Variants in INSL6 observed in about 807,000 individuals in gnomAD.
The protein encoded by INSL6 is insulin-like peptide INSL6.
INSL6 carries 16 observed loss-of-function variants against 9.4 expected under a neutral mutation model. That is an observed-to-expected ratio of 1.70 (90% CI 1.15 to 2.59). The LOEUF is 2.59. Ranked by LOEUF, INSL6 falls within the 30% of genes most tolerant of loss-of-function variation. The probability of loss-of-function intolerance (pLI) is 0.00; values close to 1 mark genes in which losing one functional copy is unlikely to be tolerated. For synonymous variants in INSL6, 154 were observed against 96.9 expected (o/e 1.59, Z -3.46); for missense variants, 391 against 257.3 (o/e 1.52, Z -3.56).
chr9:4,993,996 G>A, the INSL6 span, among the ~76,000 whole-genome samples: 2 of 152,140 alleles, frequency 1.3e-5, no homozygotes, highest in African/African-American at 4.8e-5. Flanking sequence ...TCCTGTCTAG[G>A]GTTGGTTCCC....
the INSL6 span, among the ~76,000 whole-genome samples, chr9:4,996,705 C>T: frequency 4.8e-4 from 73 of 151,962 alleles, no homozygotes; most frequent in Non-Finnish European, 8.7e-4. Flanking sequence ...TTCACCCCTA[C>T]CCCTCCCTGC....
chr9:5,174,942 C>CTT (rs113608121), intron 1 of INSL6, among the ~76,000 whole-genome samples: 27 of 142,874 alleles, frequency 1.9e-4, no homozygotes, highest in African/African-American at 6.1e-4. Flanking sequence ...TGGAGTCATT[C>CTT]TTTTTTTTTT....
At chr9:5,177,871 TC>T (rs1411614151) in intron 1 of INSL6, among the ~76,000 whole-genome samples, 2 of 151,960 alleles carry the variant, frequency 1.3e-5, no homozygotes, top group East Asian at 3.9e-4. Flanking sequence ...ACTGCTTCTT[TC>T]TTTTTCTTCT....
At chr9:5,129,256 C>G (rs1824191398) in intron 3 of INSL6, among the ~76,000 whole-genome samples, 1 of 152,004 alleles carries the variant, frequency 6.6e-6, no homozygotes, top group Admixed American at 6.5e-5. Flanking sequence ...GCATGCTCCC[C>G]CTAAATTGAA....
the INSL6 span, chr9:5,022,223 A>T: frequency 6.3e-7 from 1 of 1,590,408 alleles, no homozygotes. Flanking sequence ...GGTAAGTATT[A>T]AAAAACAGCA....
chr9:5,116,425 T>G, the INSL6 span, among the ~76,000 whole-genome samples: 1 of 152,244 alleles, frequency 6.6e-6, no homozygotes, highest in Middle Eastern at 3.2e-3. Flanking sequence ...TGCGTTCATC[T>G]AATTACTTTT....
chr9:5,159,622 T>C (rs1230863254), downstream of INSL6, among the ~76,000 whole-genome samples: 1 of 152,126 alleles, frequency 6.6e-6, no homozygotes, highest in Non-Finnish European at 1.5e-5. Flanking sequence ...TATATACGCA[T>C]TCAACGCTGG....
At chr9:5,126,406 A>G in intron 3 of INSL6, 2 of 1,610,986 alleles carry the variant, frequency 1.2e-6, no homozygotes, top group Middle Eastern at 3.3e-4. Context: ...CTTTTGAAGA[A>G]TAATGGAAGA....
the INSL6 span, chr9:5,111,039 G>A: frequency 1.5e-5 from 14 of 913,268 alleles, no homozygotes; most frequent in African/African-American, 6.6e-5. Context: ...TGGCCGGGGC[G>A]CAATTCAGAG....
the INSL6 span, among the ~76,000 whole-genome samples, chr9:5,042,471 C>G: frequency 6.6e-6 from 1 of 152,128 alleles, no homozygotes; most frequent in Non-Finnish European, 1.5e-5. Flanking sequence ...TGTGTCTAGT[C>G]CTCCCCTCCA....
At chr9:5,026,585 TAAAA>T in the INSL6 span, among the ~76,000 whole-genome samples, 1 of 152,200 alleles carries the variant, frequency 6.6e-6, no homozygotes, top group Admixed American at 6.5e-5. Flanking sequence ...TATATAGGAT[TAAAA>T]AAATTTTACA....
the INSL6 span, among the ~76,000 whole-genome samples, chr9:5,076,380 G>A: frequency 6.6e-6 from 1 of 152,098 alleles, no homozygotes; most frequent in Non-Finnish European, 1.5e-5. Context: ...TTAAGAAACT[G>A]CCACAGCTAC....
At chr9:5,033,855 A>C in the INSL6 span, among the ~76,000 whole-genome samples, 1 of 152,220 alleles carries the variant, frequency 6.6e-6, no homozygotes, top group African/African-American at 2.4e-5. Flanking sequence ...TAACCAGGTA[A>C]CGTCATAAAG....
the INSL6 span, among the ~76,000 whole-genome samples, chr9:5,001,876 T>G: frequency 2.0e-5 from 3 of 152,024 alleles, no homozygotes; most frequent in Non-Finnish European, 1.5e-5. Context: ...ATTCAAGGTT[T>G]CTGTTTCTTC....
chr9:5,117,753 T>A, the INSL6 span, among the ~76,000 whole-genome samples: 1 of 152,074 alleles, frequency 6.6e-6, no homozygotes. Flanking sequence ...AAACAAAAGT[T>A]TTTTGGCAAC....
the INSL6 span, among the ~76,000 whole-genome samples, chr9:5,016,390 A>C: frequency 8.7e-3 from 1,330 of 152,230 alleles, 25 homozygotes; most frequent in Admixed American, 0.035. Flanking sequence ...GACACCACAG[A>C]CTGTGTATGT....
At chr9:5,148,418 AC>A (rs903494275) in intron 2 of INSL6, among the ~76,000 whole-genome samples, 1 of 151,152 alleles carries the variant, frequency 6.6e-6, no homozygotes, top group African/African-American at 2.4e-5. Context: ...GAGAGAGGTG[AC>A]CCCCCTCACC....
the INSL6 span, among the ~76,000 whole-genome samples, chr9:5,056,100 C>T: frequency 6.6e-6 from 1 of 151,968 alleles, no homozygotes; most frequent in Non-Finnish European, 1.5e-5. Flanking sequence ...AATGCTCACC[C>T]CTGACTAAAA....
At chr9:5,067,935 C>T in the INSL6 span, among the ~76,000 whole-genome samples, 2 of 152,004 alleles carry the variant, frequency 1.3e-5, no homozygotes, top group African/African-American at 2.4e-5. Context: ...GGGTGGATCA[C>T]GAGGTCAAGA....
Sources: allele counts gnomAD v4.1 joint callset (sites outside exome capture counted in the v4.1 genomes callset), GRCh38; gene constraint gnomAD v4.1.1; transcripts MANE v1.5; gene names NCBI Gene and HGNC (gene_info 2026-07-23, HGNC 2026-07-21).